PLA2G6: variants seen among roughly 807,000 people sequenced by gnomAD.
PLA2G6 encodes 85/88 kDa calcium-independent phospholipase A2.
A neutral mutation model predicts 83.8 loss-of-function variants in PLA2G6; 62 were observed. That is an observed-to-expected ratio of 0.74 (90% CI 0.60 to 0.91). The LOEUF is 0.91. Among genes scored for constraint, PLA2G6 ranks in the 40% least tolerant of loss-of-function variants. PLA2G6 has a pLI of 0.00. For synonymous variants in PLA2G6, 417 were observed against 449.8 expected (o/e 0.93, Z 0.92); for missense variants, 944 against 1,102.0 (o/e 0.86, Z 2.03).
intron 2 of PLA2G6, among the ~76,000 whole-genome samples, chr22:38,168,732 C>G (rs2090319896): frequency 6.6e-6 from 1 of 152,198 alleles, no homozygotes; most frequent in Admixed American, 6.5e-5. Context: ...TGCCTGTAAT[C>G]CCAGCTACTC....
intron 2 of PLA2G6, chr22:38,149,884 G>A (rs132940): frequency 0.093 from 14,025 of 151,168 alleles, 735 homozygotes; most frequent in South Asian, 0.14. Context: ...GCAGTGAGCC[G>A]AGATCACGCT....
At position 38,169,051 on chromosome 22, in the gene PLA2G6, G is replaced by A. The variant is rs11570608; in HGVS notation, c.209+167C>T. On this transcript the variant is annotated intron_variant, in intron 2 of 16. Coordinates refer to ENST00000332509, the MANE Select transcript of PLA2G6 (RefSeq NM_003560.4). Reference sequence around the variant, plus strand: ...TGATGGGCCAGAAGTGTGGAGTCTCGGAAGCCCTTCCCTCTGGTCCAAGAG... The same window carrying A: ...TGATGGGCCAGAAGTGTGGAGTCTCAGAAGCCCTTCCCTCTGGTCCAAGAG... 0.021 allele frequency among the ~76,000 whole-genome samples: 3,229 copies of A among 152,076 alleles called. 126 individuals are homozygous for A. The highest frequency in any genetic ancestry group is 0.074 in the African/African-American group (3,064 of 41,450).
At position 38,128,784 on chromosome 22, in the gene PLA2G6, A is replaced by C. The variant is rs1192102642; in HGVS notation, c.1187-354T>G. On this transcript the variant is annotated intron_variant, in intron 8 of 16. Coordinates refer to ENST00000332509, the MANE Select transcript of PLA2G6 (RefSeq NM_003560.4). This position sits in a 1 kb window ranked among gnomAD's most constrained non-coding sequence, Gnocchi z 4.4. ...TGCTAAGTGATAGTTCAGGGTTCCA[A>C]AGGGACTAATGAGCCAGCCAGGGGG... Among the ~76,000 whole-genome samples the C allele has an allele frequency of 1.3e-5, 2 of 152,364 alleles. No homozygotes were observed. The highest frequency in any genetic ancestry group is 4.1e-4 in the South Asian group (2 of 4,830).
At chr22:38,127,516 A>T in intron 9 of PLA2G6, 1 of 1,144,874 alleles carries the variant, frequency 8.7e-7, no homozygotes, top group Non-Finnish European at 1.2e-6. Context: ...GAGGGGAGAG[A>T]GAGGTGGAGC....
intron 4 of PLA2G6, chr22:38,141,876 A>T (rs2088927819): frequency 6.6e-6 from 1 of 152,060 alleles, no homozygotes; most frequent in Non-Finnish European, 1.5e-5. Context: ...CCCTTCCCTG[A>T]GAGCAAGAAG....
In PLA2G6 at chr22:38,111,572, G is replaced by A. The variant is rs11570771; in HGVS notation, c.*589C>T. On this transcript the variant is annotated 3_prime_UTR_variant, in exon 17 of 17. Coordinates refer to ENST00000332509, the MANE Select transcript of PLA2G6 (RefSeq NM_003560.4). ...TTGGGAAGAAGAAACTCCCAGGAGT[G>A]ACCTTTGAGAGCTGAGGGTTCTCGG... 1 of 169,302 alleles carries A rather than the reference G, an allele frequency of 5.9e-6. No homozygotes were observed. The allele number at this position is 169,302 out of a possible 1,614,324, so 10.5% of individuals were successfully genotyped here.
At chr22:38,143,911 T>G (rs2089075743) in intron 3 of PLA2G6, 1 of 179,078 alleles carries the variant, frequency 5.6e-6, no homozygotes, top group Admixed American at 5.4e-5. Flanking sequence ...CCTTGCTAAT[T>G]TTTTGTATTT....
In PLA2G6 at chr22:38,128,033, G is replaced by A; in HGVS notation, c.1348+236C>T. 1.8e-6 allele frequency: 1 copy of A among 562,196 alleles called. No homozygotes were observed. The highest frequency in any genetic ancestry group is 2.2e-5 in the South Asian group (1 of 45,810). The allele number at this position is 562,196 out of a possible 1,614,324, so 34.8% of individuals were successfully genotyped here. A position where few individuals can be genotyped will look rare whatever the true frequency, so the allele number is the denominator to read the frequency against. ...ACTGGAAATGCCCAGGCCTGAGACT[G>A]TGTGCAGGACACATCCTCTCAGGGG... is the stretch of plus-strand genomic sequence containing the variant. On this transcript the variant is annotated intron_variant, in intron 9 of 16. Transcript: ENST00000332509. This position sits in a 1 kb window ranked among gnomAD's most constrained non-coding sequence, Gnocchi z 4.4.
At chr22:38,124,682 C>T (rs1329735721) in intron 10 of PLA2G6, among the ~76,000 whole-genome samples, 3 of 152,176 alleles carry the variant, frequency 2.0e-5, no homozygotes, top group Non-Finnish European at 4.4e-5. Flanking sequence ...GACCTGGAAG[C>T]TCCACCAGGG....
At chr22:38,167,449 C>A (rs1270028738) in intron 2 of PLA2G6, among the ~76,000 whole-genome samples, 1 of 152,104 alleles carries the variant, frequency 6.6e-6, no homozygotes, top group African/African-American at 2.4e-5. Flanking sequence ...TTAGTGGTAT[C>A]CCCAGGGCCG....
chr22:38,115,876 ACTTT>A (rs2145684213), intron 13 of PLA2G6, 195 bp from the exon 14 acceptor site: 1 of 1,479,498 alleles, frequency 6.8e-7, no homozygotes, highest in African/African-American at 1.4e-5. Context: ...ACAGCTGAGG[ACTTT>A]CCAGGGACTT....
rs886057503 is a variant in PLA2G6 at position 38,123,155 on chromosome 22, G to C, written c.1531C>G (p.Leu511Val). The C allele has an allele frequency of 4.1e-5, 64 of 1,550,616 alleles. No individual in the cohort carries two copies. Among genetic ancestry groups the C allele is most frequent in the Non-Finnish European group, 5.1e-5 (58 of 1,147,404 alleles). ...EKASGVATKD[L>V]FDWVAGTSTG... ...CTGGTGCCCGCCACCCAGTCAAACAGGTCCTTGGTGGCCACACCCGAGGCC... is the reference window on the plus strand; with the variant it reads ...CTGGTGCCCGCCACCCAGTCAAACACGTCCTTGGTGGCCACACCCGAGGCC... Residue 511 changes from leucine to valine, a missense_variant, in exon 11 of 17, where the codon CTG (leucine) becomes GTG (valine). Transcript: ENST00000332509. This position sits in a 1 kb window ranked among gnomAD's most constrained non-coding sequence, Gnocchi z 4.1.
At chr22:38,153,205 G>A (rs77330988) in intron 2 of PLA2G6, among the ~76,000 whole-genome samples, 9,582 of 152,254 alleles carry the variant, frequency 0.063, 547 homozygotes, top group East Asian at 0.31. Context: ...GCCGAGGTGC[G>A]TGGATCACCT....
At position 38,145,664 on chromosome 22, in the gene PLA2G6, A is replaced by G; in HGVS notation, c.210-11T>C. 2 of 1,590,872 alleles carry G rather than the reference A, an allele frequency of 1.3e-6. No individual in the cohort carries two copies. Among genetic ancestry groups the G allele is most frequent in the Non-Finnish European group, 8.6e-7 (1 of 1,161,972 alleles). ...TCCAGCTGGAAGAGTCTGTAGAGCC[A>G]GGACAGAGGAGCAAGACCCGAAATG... On this transcript the variant is annotated splice_polypyrimidine_tract_variant and intron_variant, in intron 2 of 16. Transcript: ENST00000332509.
rs550694170 is a variant in PLA2G6, at chr22:38,181,470, G to A, written c.-46+194C>T. Among the ~76,000 whole-genome samples, 5 of 152,182 alleles carry A rather than the reference G, an allele frequency of 3.3e-5. No homozygotes were observed. In the South Asian group the frequency reaches 6.2e-4, roughly 19 times the overall value. Reference sequence around the variant, plus strand: ...GAGATGGATTGACTCGGGAAGTTAGGGATACTGAGGGAGACACACGGAGGA... The same window carrying A: ...GAGATGGATTGACTCGGGAAGTTAGAGATACTGAGGGAGACACACGGAGGA... On this transcript the variant is annotated intron_variant, in intron 1 of 16. Transcript: ENST00000332509.
intron 5 of PLA2G6, chr22:38,136,260 A>C (rs1201804173): frequency 6.6e-6 from 1 of 152,148 alleles, no homozygotes; most frequent in Non-Finnish European, 1.5e-5. Flanking sequence ...CAACATTGTA[A>C]ATGTGATTAA....
At chr22:38,154,390 C>T (rs1000600757) in intron 2 of PLA2G6, among the ~76,000 whole-genome samples, 1 of 152,186 alleles carries the variant, frequency 6.6e-6, no homozygotes, top group African/African-American at 2.4e-5. Context: ...TAGCTCCAGG[C>T]GGCCCAGCAC....
chr22:38,148,850 A>T, intron 2 of PLA2G6: 2 of 279,988 alleles, frequency 7.1e-6, no homozygotes. Context: ...ACTAGGCTCT[A>T]GATTATTTCT....
chr22:38,148,431 C>T (rs529841456), intron 2 of PLA2G6: 1 of 706,686 alleles, frequency 1.4e-6, no homozygotes, highest in East Asian at 2.7e-5. Flanking sequence ...AAATGCTGGA[C>T]AAATTATTAA....
Sources: allele counts gnomAD v4.1 joint callset (sites outside exome capture counted in the v4.1 genomes callset), GRCh38; gene constraint gnomAD v4.1.1; non-coding constraint Gnocchi (gnomAD v3.1); transcripts MANE v1.5; gene names NCBI Gene and HGNC (gene_info 2026-07-23, HGNC 2026-07-21).